Variants in PBX3 observed in about 807,000 individuals in gnomAD.
The protein encoded by PBX3 is pre-B-cell leukemia transcription factor 3.
PBX3 carries 14 observed loss-of-function variants against 48.5 expected under a neutral mutation model. The ratio of observed to expected loss-of-function variants is 0.29; its 90% CI spans 0.19 to 0.45. The LOEUF (loss-of-function observed/expected upper bound fraction) is 0.45, where lower values mean the gene tolerates loss of function less well. PBX3 is among the 20% of genes least tolerant of loss of function. PBX3 has a pLI of 1.00. For missense variants in PBX3, 386 were observed against 546.7 expected, an observed-to-expected ratio of 0.71 and a Z score of 2.93; for synonymous variants, 210 against 200.3, an observed-to-expected ratio of 1.05 and a Z score of -0.41.
At chr9:125,915,660 C>G in intron 2 of PBX3, 26 bp from the exon 3 acceptor site, 1 of 1,565,658 alleles carries the variant, frequency 6.4e-7, no homozygotes, top group South Asian at 1.1e-5. Context: ...TCTTCTCTCT[C>G]TGTCTCTCTC....
chr9:125,824,196 C>CA (rs1436291641), intron 2 of PBX3, among the ~76,000 whole-genome samples: 5 of 151,790 alleles, frequency 3.3e-5, no homozygotes, highest in African/African-American at 1.2e-4. Context: ...AAGGATGAAA[C>CA]ATAAGGAAGT....
At chr9:125,826,260 T>C (rs192545581) in intron 2 of PBX3, among the ~76,000 whole-genome samples, 46 of 152,326 alleles carry the variant, frequency 3.0e-4, no homozygotes, top group Admixed American at 2.0e-3. Context: ...GAAAAAGAAG[T>C]GCTTCCTAAC....
chr9:125,879,001 T>C (rs1840318297), intron 2 of PBX3, among the ~76,000 whole-genome samples: 1 of 152,154 alleles, frequency 6.6e-6, no homozygotes. Flanking sequence ...TTTGTGTATT[T>C]TACATATTTC....
chr9:125,923,486 GC>G (rs1452949807), intron 3 of PBX3, among the ~76,000 whole-genome samples: 2 of 152,136 alleles, frequency 1.3e-5, no homozygotes, highest in African/African-American at 4.8e-5. Flanking sequence ...CTTCGTAAAA[GC>G]GTTTGGGTTG....
rs1841817535 is a variant in PBX3 at position 125,935,574 on chromosome 9, G to A, written c.810G>A (p.Glu270=). ...NPYPSEEAKE[E]LAKKCSITVS... ...ACCCCAGTGAAGAAGCCAAAGAGGA[G>A]CTGGCCAAGAAATGCAGCATCACAG... is the stretch of plus-strand genomic sequence containing the variant. The change falls in exon 5 of 9, where the codon GAG becomes GAA. Residue 270 remains glutamate, a synonymous_variant. Transcript: ENST00000373489. The A allele has an allele frequency of 6.2e-7, 1 of 1,613,708 alleles. No individual in the cohort carries two copies. The highest frequency in any genetic ancestry group is 1.3e-5 in the African/African-American group (1 of 74,884).
chr9:125,860,409 A>T (rs1301787896), intron 2 of PBX3, among the ~76,000 whole-genome samples: 2 of 152,250 alleles, frequency 1.3e-5, no homozygotes, highest in Non-Finnish European at 2.9e-5. Flanking sequence ...AATGACAATC[A>T]CAATTAGCAC....
chr9:125,907,198 G>A (rs900665513), intron 2 of PBX3, among the ~76,000 whole-genome samples: 3 of 151,834 alleles, frequency 2.0e-5, no homozygotes, highest in African/African-American at 7.3e-5. Context: ...ATGGCTAAAA[G>A]CAATAAAACT....
At chr9:125,925,073 C>T (rs145941394) in intron 3 of PBX3, among the ~76,000 whole-genome samples, 13 of 152,206 alleles carry the variant, frequency 8.5e-5, no homozygotes, top group Admixed American at 4.6e-4. Context: ...ATTTGACACA[C>T]GCAATATTAA....
chr9:125,757,144 AT>A (rs1005651470), intron 2 of PBX3, among the ~76,000 whole-genome samples: 2 of 152,126 alleles, frequency 1.3e-5, no homozygotes, highest in African/African-American at 4.8e-5. Flanking sequence ...GCATTAAAAA[AT>A]ATATATATTT....
rs140233479 is a variant in PBX3 at position 125,786,068 on chromosome 9, G to A, written c.274+37445G>A. Among the ~76,000 whole-genome samples, 69 of 152,144 alleles carry A rather than the reference G, an allele frequency of 4.5e-4. No homozygotes were observed. The East Asian group carries it at 0.013, about 28-fold the overall frequency. ...TTTTGATGTTACTGTGGAAGAACTGGCCCTTGGTCTACCTACTCCATTTCC... is the reference window on the plus strand; with the variant it reads ...TTTTGATGTTACTGTGGAAGAACTGACCCTTGGTCTACCTACTCCATTTCC... On this transcript the variant is annotated intron_variant, in intron 2 of 8. Transcript: ENST00000373489.
chr9:125,822,401 C>T lies in PBX3; in HGVS notation c.274+73778C>T, dbSNP rs949941609. ...GTGGTTTTCCTCTTGTACACAAGAT[C>T]TGGGAAAGATCTTTACTGATGACTG... On this transcript the variant is annotated intron_variant, in intron 2 of 8. Transcript: ENST00000373489. 3.3e-5 allele frequency among the ~76,000 whole-genome samples: 5 copies of T among 152,238 alleles called. No individual in the cohort carries two copies. The South Asian group carries it at 1.0e-3, about 32-fold the overall frequency.
chr9:125,780,372 C>T (rs1837229538), intron 2 of PBX3, among the ~76,000 whole-genome samples: 1 of 130,230 alleles, frequency 7.7e-6, no homozygotes, highest in African/African-American at 3.0e-5. Context: ...GGGAGCTGAC[C>T]CCACCTCCCT....
At chr9:125,925,669 G>A (rs1841559511) in intron 3 of PBX3, among the ~76,000 whole-genome samples, 1 of 151,946 alleles carries the variant, frequency 6.6e-6, no homozygotes, top group African/African-American at 2.4e-5. Context: ...CCCAGGCCAG[G>A]ATATTTTTTA....
intron 2 of PBX3, among the ~76,000 whole-genome samples, chr9:125,828,313 G>C (rs554487177): frequency 6.6e-6 from 1 of 152,076 alleles, no homozygotes; most frequent in East Asian, 1.9e-4. Context: ...AGCAACAAAT[G>C]GTTTATATAG....
At chr9:125,771,205 ATATCACAC>A (rs1836932711) in intron 2 of PBX3, among the ~76,000 whole-genome samples, 1 of 152,226 alleles carries the variant, frequency 6.6e-6, no homozygotes, top group Non-Finnish European at 1.5e-5. Flanking sequence ...ATGCTAAGAG[ATATCACAC>A]TATTGTTCAA....
intron 2 of PBX3, among the ~76,000 whole-genome samples, chr9:125,769,455 G>T (rs890854659): frequency 2.0e-5 from 3 of 152,214 alleles, no homozygotes; most frequent in Non-Finnish European, 4.4e-5. Context: ...TGCTCTGAGA[G>T]CATTATTTTA....
chr9:125,815,439 T>C (rs1838431373), intron 2 of PBX3, among the ~76,000 whole-genome samples: 1 of 152,192 alleles, frequency 6.6e-6, no homozygotes, highest in Non-Finnish European at 1.5e-5. Context: ...TCCCACATAA[T>C]TTCCTTCTCT....
chr9:125,913,393 A>G (rs1430378837), intron 2 of PBX3, among the ~76,000 whole-genome samples: 2 of 152,130 alleles, frequency 1.3e-5, no homozygotes, highest in African/African-American at 4.8e-5. Flanking sequence ...GATACTGTAT[A>G]CTTATAATTG....
At chr9:125,764,855 G>T (rs1045503736) in intron 2 of PBX3, among the ~76,000 whole-genome samples, 4 of 152,094 alleles carry the variant, frequency 2.6e-5, no homozygotes, top group Non-Finnish European at 2.9e-5. Flanking sequence ...AAAGAGAAAT[G>T]CAGAAAAATC....
Sources: allele counts gnomAD v4.1 joint callset (sites outside exome capture counted in the v4.1 genomes callset), GRCh38; gene constraint gnomAD v4.1.1; transcripts MANE v1.5; gene names NCBI Gene and HGNC (gene_info 2026-07-23, HGNC 2026-07-21).